NFIA: variants seen among roughly 807,000 people sequenced by gnomAD.
NFIA encodes the protein nuclear factor I A.
Under a neutral mutation model 62.8 loss-of-function variants are expected in NFIA, and 8 were observed. The ratio of observed to expected loss-of-function variants is 0.13; its 90% CI spans 0.07 to 0.23. NFIA has a LOEUF of 0.23. Among genes scored for constraint, NFIA ranks in the 10% least tolerant of loss-of-function variants. The pLI, the probability that NFIA is intolerant of heterozygous loss-of-function variation, is 1.00. For synonymous variants in NFIA, 235 were observed against 238.1 expected (o/e 0.99, Z 0.12); for missense variants, 410 against 642.1 (o/e 0.64, Z 3.91).
chr1:61,276,205 T>C (rs138451312), intron 2 of NFIA, among the ~76,000 whole-genome samples: 51 of 152,352 alleles, frequency 3.3e-4, no homozygotes, highest in African/African-American at 1.2e-3. Context: ...TATTTTTTGC[T>C]ATAGCACTTT....
At chr1:61,256,369 G>A (rs1170844076) in intron 2 of NFIA, among the ~76,000 whole-genome samples, 1 of 148,206 alleles carries the variant, frequency 6.7e-6, no homozygotes, top group Non-Finnish European at 1.5e-5. Flanking sequence ...CGAGGAGACA[G>A]AGGTTGCAGT....
intron 2 of NFIA, among the ~76,000 whole-genome samples, chr1:61,189,343 C>T (rs916207835): frequency 4.6e-5 from 7 of 152,100 alleles, no homozygotes; most frequent in Non-Finnish European, 1.0e-4. Context: ...CCTGGAGTTA[C>T]AGGTTTGGAG....
chr1:61,116,480 C>A (rs1457758310), intron 2 of NFIA, among the ~76,000 whole-genome samples: 1 of 151,852 alleles, frequency 6.6e-6, no homozygotes, highest in Non-Finnish European at 1.5e-5. Context: ...GTTAAGGCAT[C>A]TTCTGATAGG....
intron 2 of NFIA, among the ~76,000 whole-genome samples, chr1:61,165,096 G>A (rs1264568899): frequency 1.3e-5 from 2 of 152,014 alleles, no homozygotes; most frequent in African/African-American, 4.8e-5. Context: ...TTTATTTCTT[G>A]GAAAAGTTTA....
intron 4 of NFIA, among the ~76,000 whole-genome samples, chr1:61,345,149 A>G (rs971816436): frequency 6.6e-6 from 1 of 152,244 alleles, no homozygotes; most frequent in Admixed American, 6.5e-5. Context: ...ACCATTTCCA[A>G]AAGTTAACCT....
At chr1:61,176,869 C>T (rs1345668010) in intron 2 of NFIA, among the ~76,000 whole-genome samples, 1 of 152,112 alleles carries the variant, frequency 6.6e-6, no homozygotes, top group Non-Finnish European at 1.5e-5. Flanking sequence ...CTTTGGGAGG[C>T]TGCGGCGGGC....
chr1:61,218,383 G>A (rs1056716967), intron 2 of NFIA, among the ~76,000 whole-genome samples: 1 of 152,152 alleles, frequency 6.6e-6, no homozygotes, highest in African/African-American at 2.4e-5. Context: ...TATAGTCGTC[G>A]CTTGGTATCT....
chr1:61,106,228 A>C (rs17304637), intron 2 of NFIA, among the ~76,000 whole-genome samples: 1 of 151,734 alleles, frequency 6.6e-6, no homozygotes, highest in African/African-American at 2.4e-5. Context: ...AGCTATTTAC[A>C]GCAACCTGGA....
At chr1:61,446,448 G>A (rs889123870) in intron 10 of NFIA, among the ~76,000 whole-genome samples, 2 of 152,176 alleles carry the variant, frequency 1.3e-5, no homozygotes, top group East Asian at 1.9e-4. Context: ...CACAGGTGGA[G>A]AGGGAGGGAG....
At chr1:61,431,749 G>A (rs1034228108) in intron 10 of NFIA, among the ~76,000 whole-genome samples, 6 of 152,204 alleles carry the variant, frequency 3.9e-5, no homozygotes, top group African/African-American at 7.2e-5. Flanking sequence ...CATGACACCC[G>A]TTGTCTGCCT....
At chr1:61,125,406 T>G (rs1646951236) in intron 2 of NFIA, among the ~76,000 whole-genome samples, 1 of 152,218 alleles carries the variant, frequency 6.6e-6, no homozygotes, top group Non-Finnish European at 1.5e-5. Context: ...TTCCTAAACC[T>G]TAGACTGTTT....
At position 61,316,313 on chromosome 1, in the gene NFIA, T is replaced by C. The variant is rs573801144; in HGVS notation, c.626-16199T>C. 7.2e-5 allele frequency among the ~76,000 whole-genome samples: 11 copies of C among 152,292 alleles called. No homozygotes were observed. In the South Asian group the frequency reaches 2.3e-3, roughly 32 times the overall value. Reference sequence around the variant, plus strand: ...AATCAGTCCCTGACCTTATAAGAGTTTATATTCTAATTACAGAGAATATAA... The same window carrying C: ...AATCAGTCCCTGACCTTATAAGAGTCTATATTCTAATTACAGAGAATATAA... On this transcript the variant is annotated intron_variant, in intron 3 of 10. Coordinates refer to ENST00000403491, the MANE Select transcript of NFIA (RefSeq NM_001134673.4).
intron 2 of NFIA, among the ~76,000 whole-genome samples, chr1:61,183,692 T>G (rs2100564286): frequency 6.6e-6 from 1 of 152,342 alleles, no homozygotes; most frequent in Admixed American, 6.5e-5. Flanking sequence ...CTGCTTGAAC[T>G]TTAGCCAGAG....
At chr1:61,429,235 C>T (rs1445936155) in intron 10 of NFIA, among the ~76,000 whole-genome samples, 1 of 152,170 alleles carries the variant, frequency 6.6e-6, no homozygotes, top group Non-Finnish European at 1.5e-5. Context: ...TTTCTATGTA[C>T]TAAATCCATC....
intron 10 of NFIA, among the ~76,000 whole-genome samples, chr1:61,450,593 GT>G (rs1471400434): frequency 6.6e-6 from 1 of 152,174 alleles, no homozygotes; most frequent in Non-Finnish European, 1.5e-5. Flanking sequence ...AGGCCAGCCT[GT>G]GTTTGCACAT....
chr1:61,081,786 CAA>C, upstream of NFIA: 2 of 1,341,146 alleles, frequency 1.5e-6, no homozygotes, highest in Non-Finnish European at 1.0e-6. Flanking sequence ...CGAAGCTGCA[CAA>C]AGTTTGCAGG....
intron 2 of NFIA, among the ~76,000 whole-genome samples, chr1:61,145,845 C>G (rs908361069): frequency 1.3e-5 from 2 of 152,168 alleles, no homozygotes; most frequent in Non-Finnish European, 2.9e-5. Context: ...CTGACATGTC[C>G]TGGTGCCCTG....
Position 61,236,429 on chromosome 1 carries a change from C to A in NFIA, c.560-41091C>A, listed in dbSNP as rs1463397818. Among the ~76,000 whole-genome samples, 3 of 152,092 alleles carry A rather than the reference C, an allele frequency of 2.0e-5. No homozygotes were observed. In the East Asian group the frequency reaches 5.8e-4, roughly 29 times the overall value. On this transcript the variant is annotated intron_variant, in intron 2 of 10. Transcript: ENST00000403491. ...AGGCAGGTGTTTTATATAATTTTTA[C>A]GTTATTTATTTGATATGATTTCTCA...
chr1:61,377,896 G>A (rs1161326228), intron 6 of NFIA, among the ~76,000 whole-genome samples: 1 of 152,170 alleles, frequency 6.6e-6, no homozygotes, highest in Non-Finnish European at 1.5e-5. Flanking sequence ...GAAAAATCCA[G>A]CATGTTGTTC....
Sources: allele counts gnomAD v4.1 joint callset (sites outside exome capture counted in the v4.1 genomes callset), GRCh38; gene constraint gnomAD v4.1.1; transcripts MANE v1.5; gene names NCBI Gene and HGNC (gene_info 2026-07-23, HGNC 2026-07-21).